The following OR51E2 variants were observed in gnomAD, a reference collection of about 807,000 sequenced individuals.
OR51E2 encodes the protein olfactory receptor family 51 subfamily E member 2.
Under a neutral mutation model 13.7 loss-of-function variants are expected in OR51E2, and 14 were observed. The ratio of observed to expected loss-of-function variants is 1.02; its 90% confidence interval spans 0.68 to 1.60. The LOEUF is 1.60. OR51E2 is among the 40% of genes most tolerant of loss of function. The pLI, the probability that OR51E2 is intolerant of heterozygous loss-of-function variation, is 0.00. For missense variants in OR51E2, 483 were observed against 413.8 expected (o/e 1.17, Z -1.45); for synonymous variants, 180 against 157.6 (o/e 1.14, Z -1.07).
intron 1 of OR51E2, chr11:4,690,732 C>T (rs1019305705): frequency 1.9e-5 from 7 of 375,438 alleles, no homozygotes; most frequent in Admixed American, 3.6e-5. Flanking sequence ...CTTGAGGGGT[C>T]CATCTAGTGC....
intron 1 of OR51E2, among the ~76,000 whole-genome samples, chr11:4,693,126 G>T (rs1453474919): frequency 6.6e-6 from 1 of 152,104 alleles, no homozygotes; most frequent in Non-Finnish European, 1.5e-5. Context: ...ACAAAGAAAT[G>T]ATAAATATTT....
At chr11:4,691,301 A>C (rs1037272948) in intron 1 of OR51E2, 3 of 457,234 alleles carry the variant, frequency 6.6e-6, no homozygotes, top group Non-Finnish European at 1.3e-5. Context: ...AAATCATGGC[A>C]TACCTAAGGG....
chr11:4,691,618 T>A, intron 1 of OR51E2: 1 of 450,442 alleles, frequency 2.2e-6, no homozygotes, highest in Non-Finnish European at 4.5e-6. Flanking sequence ...GGAATGGAGA[T>A]CCAGGTGTGG....
Position 4,682,242 on chromosome 11 carries a change from G to A in OR51E2, c.470C>T (p.Pro157Leu), listed in dbSNP as rs760249475. Reference protein sequence around the residue: ...AVVRGSLFFFPLPLLIKRLAF... With the variant: ...AVVRGSLFFFLLPLLIKRLAF... ...CAGCCGCTTGATCAGCAGAGGCAGTGGGAAAAAAAAGAGGGATCCGCGGAC... is the reference window on the plus strand; with the variant it reads ...CAGCCGCTTGATCAGCAGAGGCAGTAGGAAAAAAAAGAGGGATCCGCGGAC... The change falls in exon 2 of 2, where the codon CCA (proline) becomes CTA (leucine). Residue 157 changes from proline (P) to leucine (L), a missense_variant. By Grantham distance (98) the Pro-to-Leu change is moderately conservative (BLOSUM62 -3). Transcript: ENST00000396950. 26 of 1,613,952 alleles carry A rather than the reference G, an allele frequency of 1.6e-5. No individual in the cohort carries two copies. The highest frequency in any genetic ancestry group is 2.2e-5 in the Non-Finnish European group (26 of 1,180,004).
chr11:4,681,507 T>G lies in OR51E2; in HGVS notation c.*242A>C. ...TCAACTTGGTTTCAATCATGTATCTTTATTGTTTTTCTTAATGTTATAAGC... is the reference window on the plus strand; with the variant it reads ...TCAACTTGGTTTCAATCATGTATCTGTATTGTTTTTCTTAATGTTATAAGC... On this transcript the variant is annotated 3_prime_UTR_variant, in exon 2 of 2. Coordinates refer to ENST00000396950, the MANE Select transcript of OR51E2 (RefSeq NM_030774.4). 2.0e-6 allele frequency: 1 copy of G among 503,976 alleles called. No individual in the cohort carries two copies. The highest frequency in any genetic ancestry group is 3.5e-6 in the Non-Finnish European group (1 of 286,332). 31.2% of individuals were successfully genotyped at this position (503,976 alleles called of 1,614,324 possible). A position where few individuals can be genotyped will look rare whatever the true frequency, so the allele number is the denominator to read the frequency against.
Position 4,682,246 on chromosome 11 carries a change from A to T in OR51E2, c.466T>A (p.Phe156Ile), listed in dbSNP as rs201968175. The T allele has an allele frequency of 6.8e-5, 109 of 1,613,978 alleles. No homozygotes were observed. Among genetic ancestry groups the T allele is most frequent in the Non-Finnish European group, 2.8e-5 (33 of 1,179,996 alleles). The change falls in exon 2 of 2, where the codon TTC (phenylalanine) becomes ATC (isoleucine). Residue 156 changes from phenylalanine (F) to isoleucine (I), a missense_variant. Coordinates refer to ENST00000396950, the MANE Select transcript of OR51E2 (RefSeq NM_030774.4). The part of the protein sequence containing the change: ...VAVVRGSLFF[F>I]PLPLLIKRLA... ...CGCTTGATCAGCAGAGGCAGTGGGAAAAAAAAGAGGGATCCGCGGACCACA... is the reference window on the plus strand; with the variant it reads ...CGCTTGATCAGCAGAGGCAGTGGGATAAAAAAGAGGGATCCGCGGACCACA...
chr11:4,682,782 A>G, intron 1 of OR51E2, 21 bp from the exon 2 acceptor site: 1 of 1,517,636 alleles, frequency 6.6e-7, no homozygotes, highest in African/African-American at 1.4e-5. Context: ...ATAGAGCACA[A>G]TCAGAGAATG....
At chr11:4,693,160 C>G (rs1847607380) in intron 1 of OR51E2, among the ~76,000 whole-genome samples, 2 of 152,144 alleles carry the variant, frequency 1.3e-5, no homozygotes, top group Admixed American at 6.6e-5. Context: ...TGATAATTAG[C>G]TTGATTTGGT....
At chr11:4,696,376 C>G (rs1251039592) in intron 1 of OR51E2, among the ~76,000 whole-genome samples, 1 of 152,150 alleles carries the variant, frequency 6.6e-6, no homozygotes, top group East Asian at 1.9e-4. Flanking sequence ...CATGTGTGCA[C>G]ACACATACCC....
At chr11:4,695,845 A>G (rs1054134350) in intron 1 of OR51E2, among the ~76,000 whole-genome samples, 1 of 151,840 alleles carries the variant, frequency 6.6e-6, no homozygotes, top group Middle Eastern at 3.2e-3. Context: ...ATTCTAGAGG[A>G]GTCTGCTTTT....
intron 1 of OR51E2, among the ~76,000 whole-genome samples, chr11:4,692,880 TTTAACTAAAA>T (rs1847603796): frequency 6.6e-6 from 1 of 151,906 alleles, no homozygotes; most frequent in South Asian, 2.1e-4. Flanking sequence ...GGGGGTGTGA[TTTAACTAAAA>T]TTAACAGAAA....
chr11:4,692,268 T>A (rs1292318840), intron 1 of OR51E2: 1 of 360,862 alleles, frequency 2.8e-6, no homozygotes, highest in Non-Finnish European at 5.5e-6. Context: ...GACAAATAAA[T>A]GGCTTCAGCA....
intron 1 of OR51E2, among the ~76,000 whole-genome samples, chr11:4,697,090 T>C (rs551024269): frequency 9.8e-5 from 15 of 152,346 alleles, no homozygotes; most frequent in Admixed American, 3.3e-4. Flanking sequence ...TCACTTTAAA[T>C]TCATTTTTCT....
rs146553571 is a variant in OR51E2, at chr11:4,682,166, A to G, written c.546T>C (p.Asp182=). The part of the protein sequence containing the change: ...VLSHSYCVHQ[D]VMKLAYADTL... ...TGTCTGCATAGGCCAACTTCATTACATCCTGGTGGACACAATAGGAGTGCG... is the reference window on the plus strand; with the variant it reads ...TGTCTGCATAGGCCAACTTCATTACGTCCTGGTGGACACAATAGGAGTGCG... Residue 182 remains aspartate (D), a synonymous_variant, in exon 2 of 2, where the codon GAT becomes GAC. Transcript: ENST00000396950. 31 of 1,614,112 alleles carry G rather than the reference A, an allele frequency of 1.9e-5. No homozygotes were observed. The highest frequency in any genetic ancestry group is 3.3e-5 in the South Asian group (3 of 91,090).
At chr11:4,695,703 C>T (rs1241237686) in intron 1 of OR51E2, among the ~76,000 whole-genome samples, 1 of 152,144 alleles carries the variant, frequency 6.6e-6, no homozygotes, top group Non-Finnish European at 1.5e-5. Context: ...CTCATCTCAA[C>T]TTTCAGCAAT....
Position 4,681,981 on chromosome 11 carries a change from A to T in OR51E2, c.731T>A (p.Ile244Asn), listed in dbSNP as rs772304831. ...AKAFGTCVSH[I>N]GVVLAFYVPL... ...CACATAGAAGGCGAGTACCACACCA[A>T]TGTGTGACACACAGGTTCCAAAGGC... Residue 244 changes from isoleucine to asparagine, a missense_variant, in exon 2 of 2, where the codon ATT becomes AAT. Transcript: ENST00000396950. 2 of 1,614,098 alleles carry T rather than the reference A, an allele frequency of 1.2e-6. No homozygotes were observed. Among genetic ancestry groups the T allele is most frequent in the African/African-American group, 2.7e-5 (2 of 74,934 alleles).
chr11:4,694,898 G>A (rs1847637664), intron 1 of OR51E2, among the ~76,000 whole-genome samples: 2 of 152,144 alleles, frequency 1.3e-5, no homozygotes, highest in South Asian at 4.1e-4. Context: ...TTATAACTGT[G>A]TGAAGTTTTG....
chr11:4,694,062 A>G (rs1047994252), intron 1 of OR51E2, among the ~76,000 whole-genome samples: 2 of 152,128 alleles, frequency 1.3e-5, no homozygotes, highest in Non-Finnish European at 2.9e-5. Context: ...AATTTTTGTC[A>G]TTGTGTTGTA....
At chr11:4,691,287 G>C in intron 1 of OR51E2, 1 of 457,228 alleles carries the variant, frequency 2.2e-6, no homozygotes, top group Non-Finnish European at 4.4e-6. Context: ...TCTGGAGTCA[G>C]TTAAAATCAT....
Sources: gnomAD v4.1 joint callset for allele counts (sites outside exome capture counted in the v4.1 genomes callset) on GRCh38, gnomAD v4.1.1 for gene constraint, MANE v1.5 for transcripts, NCBI Gene and HGNC (gene_info 2026-07-23, HGNC 2026-07-21) for gene names.